The following EXPH5 variants were observed in gnomAD, a reference collection of about 807,000 sequenced individuals.
The protein encoded by EXPH5 is exophilin 5, also known as exophilin-5.
A neutral mutation model predicts 41.1 loss-of-function variants in EXPH5; 42 were observed. That is an observed-to-expected ratio of 1.02 (90% CI 0.80 to 1.32). The LOEUF (loss-of-function observed/expected upper bound fraction) is 1.32, where lower values mean the gene tolerates loss of function less well. EXPH5 is among the 40% of genes most tolerant of loss of function. EXPH5 has a pLI of 0.00. For missense variants in EXPH5, 2,298 were observed against 2,314.5 expected, an observed-to-expected ratio of 0.99 and a Z score of 0.15; for synonymous variants, 798 against 833.5, an observed-to-expected ratio of 0.96 and a Z score of 0.73.
At chr11:108,569,093 G>A (rs986699930) in intron 1 of EXPH5, among the ~76,000 whole-genome samples, 4 of 152,048 alleles carry the variant, frequency 2.6e-5, no homozygotes, top group Non-Finnish European at 4.4e-5. Flanking sequence ...CATTCACTAC[G>A]ATGGTGTCTG....
Position 108,513,605 on chromosome 11 carries a change from A to T in EXPH5, c.1902T>A (p.Ile634=). 5.6e-6 allele frequency: 9 copies of T among 1,613,312 alleles called. No homozygotes were observed. The highest frequency in any genetic ancestry group is 7.6e-6 in the Non-Finnish European group (9 of 1,179,786). The change falls in exon 6 of 6, where the codon ATT becomes ATA. Residue 634 remains isoleucine (I), a synonymous_variant. Transcript: ENST00000265843. ...TCTGAGGATTCCTTCTGTCATCAGAAATCTGGGAAAAGGAAGTTTTGAATG... is the reference window on the plus strand; with the variant it reads ...TCTGAGGATTCCTTCTGTCATCAGATATCTGGGAAAAGGAAGTTTTGAATG... ...ASSFKTSFSQ[I]SDDRRNPQSP... is the part of the protein sequence containing the mutation.
intron 1 of EXPH5, among the ~76,000 whole-genome samples, chr11:108,582,580 A>T (rs1227168712): frequency 1.3e-5 from 2 of 150,836 alleles, no homozygotes; most frequent in African/African-American, 5.0e-5. Context: ...ATATAAAAAG[A>T]ATAGTACATG....
chr11:108,574,408 C>T (rs2094073365), intron 1 of EXPH5, among the ~76,000 whole-genome samples: 1 of 150,812 alleles, frequency 6.6e-6, no homozygotes, highest in African/African-American at 2.4e-5. Flanking sequence ...AAAAGAGGTA[C>T]ATTTGGCTAC....
chr11:108,536,671 T>G (rs2093882147), intron 3 of EXPH5, among the ~76,000 whole-genome samples: 1 of 152,216 alleles, frequency 6.6e-6, no homozygotes, highest in Non-Finnish European at 1.5e-5. Flanking sequence ...TTTTATTGGC[T>G]GGGCCTTAAA....
rs544789463 is a variant in EXPH5 at position 108,566,386 on chromosome 11, T to G, written c.120-24574A>C. Reference sequence around the variant, plus strand: ...GGTGGGGAATAAATGGGTGAAGGCTTTCATAGGCAGACTTTCCTTCTGAGT... The same window carrying G: ...GGTGGGGAATAAATGGGTGAAGGCTGTCATAGGCAGACTTTCCTTCTGAGT... On this transcript the variant is annotated intron_variant, in intron 1 of 5. Coordinates refer to ENST00000265843, the MANE Select transcript of EXPH5 (RefSeq NM_015065.3). Among the ~76,000 whole-genome samples, 4 of 152,270 alleles carry G rather than the reference T, an allele frequency of 2.6e-5. No homozygotes were observed. The East Asian group carries it at 7.7e-4, about 29-fold the overall frequency.
At chr11:108,582,175 G>A (rs1201429574) in intron 1 of EXPH5, among the ~76,000 whole-genome samples, 1 of 152,140 alleles carries the variant, frequency 6.6e-6, no homozygotes, top group Non-Finnish European at 1.5e-5. Flanking sequence ...CACAAAAATA[G>A]TATACAGGCT....
chr11:108,540,930 G>C (rs547499075), intron 2 of EXPH5, among the ~76,000 whole-genome samples: 1 of 151,462 alleles, frequency 6.6e-6, no homozygotes, highest in South Asian at 2.1e-4. Context: ...TTGAGGTGCA[G>C]TCTTACCGCT....
chr11:108,594,496 T>A (rs756586498), upstream of EXPH5, among the ~76,000 whole-genome samples: 8 of 152,312 alleles, frequency 5.3e-5, no homozygotes, highest in East Asian at 1.9e-4. Flanking sequence ...GGTAATCCTA[T>A]GAAGCCACAG....
chr11:108,551,835 A>T (rs575738702), intron 1 of EXPH5, among the ~76,000 whole-genome samples: 1 of 152,326 alleles, frequency 6.6e-6, no homozygotes, highest in East Asian at 1.9e-4. Context: ...CCACGCAGGA[A>T]TCCAAACATA....
At chr11:108,524,003 AG>A (rs1362290503) in intron 4 of EXPH5, among the ~76,000 whole-genome samples, 1 of 152,240 alleles carries the variant, frequency 6.6e-6, no homozygotes, top group African/African-American at 2.4e-5. Flanking sequence ...TAAGCACATG[AG>A]CTCTACATAG....
At chr11:108,548,050 A>C (rs1235748306) in intron 1 of EXPH5, among the ~76,000 whole-genome samples, 2 of 146,592 alleles carry the variant, frequency 1.4e-5, no homozygotes, top group Non-Finnish European at 3.0e-5. Flanking sequence ...CGGAGGTTGC[A>C]GTGAGCCGAG....
At chr11:108,527,319 C>CA (rs974720654) in intron 4 of EXPH5, among the ~76,000 whole-genome samples, 12 of 148,968 alleles carry the variant, frequency 8.1e-5, no homozygotes, top group Non-Finnish European at 1.6e-4. Context: ...GAAACTGTCT[C>CA]AAAAAAAAAG....
intron 1 of EXPH5, among the ~76,000 whole-genome samples, chr11:108,564,054 C>T (rs1036968367): frequency 2.0e-5 from 3 of 152,010 alleles, no homozygotes; most frequent in East Asian, 1.9e-4. Flanking sequence ...CTGAGGCGGA[C>T]GGATCACTTG....
In EXPH5 at chr11:108,514,538, A is replaced by G; in HGVS notation, c.969T>C (p.Phe323=). 4 of 1,613,568 alleles carry G rather than the reference A, an allele frequency of 2.5e-6. No homozygotes were observed. Among genetic ancestry groups the G allele is most frequent in the Non-Finnish European group, 3.4e-6 (4 of 1,179,790 alleles). The stretch of plus-strand genomic sequence containing the variant: ...GTAAGGCCGACCGTTGCCTGCTGTC[A>G]AAACACAGCGAAGTACTGCCAAAAG... The part of the protein sequence containing the change: ...KNTFGSTSLC[F]DSRQRSALPA... The change falls in exon 6 of 6, where the codon TTT becomes TTC. Residue 323 remains phenylalanine, a synonymous_variant. Coordinates refer to ENST00000265843, the MANE Select transcript of EXPH5 (RefSeq NM_015065.3).
Position 108,513,476 on chromosome 11 carries a change from G to A in EXPH5, c.2031C>T (p.Ser677=). 3.1e-6 allele frequency: 5 copies of A among 1,613,800 alleles called. No individual in the cohort carries two copies. Among genetic ancestry groups the A allele is most frequent in the Non-Finnish European group, 4.2e-6 (5 of 1,179,800 alleles). Residue 677 remains serine (S), a synonymous_variant, in exon 6 of 6, where the codon AGC becomes AGT. Coordinates refer to ENST00000265843, the MANE Select transcript of EXPH5 (RefSeq NM_015065.3). ...RSHTEVTVTS[S]NSVDSLPLAK... ...CAAGAGGCAGAGAGTCAACTGAATT[G>A]CTGCTGGTCACAGTGACTTCTGTAT...
the EXPH5 span, among the ~76,000 whole-genome samples, chr11:108,601,318 G>A: frequency 6.6e-6 from 1 of 152,162 alleles, no homozygotes. Context: ...TGACTAGGTA[G>A]ACAAACTTTC....
intron 2 of EXPH5, among the ~76,000 whole-genome samples, chr11:108,539,842 G>C (rs1218891845): frequency 6.6e-6 from 1 of 152,000 alleles, no homozygotes; most frequent in African/African-American, 2.4e-5. Context: ...TTTGGATTTG[G>C]GATGCTCAAC....
intron 1 of EXPH5, among the ~76,000 whole-genome samples, chr11:108,548,843 T>C (rs866429981): frequency 3.9e-5 from 6 of 152,288 alleles, no homozygotes; most frequent in Middle Eastern, 3.4e-3. Flanking sequence ...AAAAAAACTA[T>C]CAAATACACT....
intron 4 of EXPH5, among the ~76,000 whole-genome samples, chr11:108,525,298 C>T (rs1591688535): frequency 6.6e-6 from 1 of 152,192 alleles, no homozygotes; most frequent in South Asian, 2.1e-4. Context: ...GGACAAAAAG[C>T]CCAGTGTAAG....
Sources: gnomAD v4.1 joint callset for allele counts (sites outside exome capture counted in the v4.1 genomes callset) on GRCh38, gnomAD v4.1.1 for gene constraint, MANE v1.5 for transcripts, NCBI Gene and HGNC (gene_info 2026-07-23, HGNC 2026-07-21) for gene names.